LRRC38: variants seen among roughly 807,000 people sequenced by gnomAD.
LRRC38 encodes leucine rich repeat containing 38.
A neutral mutation model predicts 16.4 loss-of-function variants in LRRC38; 5 were observed. The ratio of observed to expected loss-of-function variants is 0.31; its 90% confidence interval spans 0.16 to 0.64. The LOEUF (loss-of-function observed/expected upper bound fraction) is 0.64. LRRC38 is among the 30% of genes least tolerant of loss of function. The pLI, the probability that LRRC38 is intolerant of heterozygous loss-of-function variation, is 0.80. For synonymous variants in LRRC38, 191 were observed against 190.2 expected (o/e 1.00, Z -0.04); for missense variants, 341 against 401.8 (o/e 0.85, Z 1.29).
intron 1 of LRRC38, among the ~76,000 whole-genome samples, chr1:13,479,234 ACCC>A (rs1048217234): frequency 6.6e-6 from 1 of 152,102 alleles, no homozygotes; most frequent in African/African-American, 2.4e-5. Context: ...CTAACAGCCT[ACCC>A]CGGCCAAAAA....
chr1:13,507,545 C>A (rs141073901), intron 1 of LRRC38, among the ~76,000 whole-genome samples: 32 of 152,266 alleles, frequency 2.1e-4, no homozygotes, highest in Non-Finnish European at 4.0e-4. Flanking sequence ...ATAAAAAACA[C>A]TGGGGGCCAG....
At chr1:13,491,601 T>A (rs180678706) in intron 1 of LRRC38, among the ~76,000 whole-genome samples, 1 of 152,334 alleles carries the variant, frequency 6.6e-6, no homozygotes. Context: ...TGAAGGTAGC[T>A]TCATGCTAGA....
At chr1:13,492,841 AACATAACACAGCATTC>A (rs998123673) in intron 1 of LRRC38, among the ~76,000 whole-genome samples, 1 of 152,210 alleles carries the variant, frequency 6.6e-6, no homozygotes, top group Non-Finnish European at 1.5e-5. Flanking sequence ...CAGACAAGCC[AACATAACACAGCATTC>A]ACGATTCTAT....
At chr1:13,498,150 A>G (rs1373579359) in intron 1 of LRRC38, among the ~76,000 whole-genome samples, 2 of 151,980 alleles carry the variant, frequency 1.3e-5, no homozygotes, top group Admixed American at 6.6e-5. Flanking sequence ...AGCGCCTGGA[A>G]TCGAGCAGAT....
At chr1:13,510,651 CAGG>C (rs1265854488) in intron 1 of LRRC38, among the ~76,000 whole-genome samples, 4 of 120,544 alleles carry the variant, frequency 3.3e-5, no homozygotes, top group South Asian at 2.5e-4. Flanking sequence ...AGCACAAATG[CAGG>C]AGGAGGAGGG....
At chr1:13,485,956 G>A (rs574395363) in intron 1 of LRRC38, among the ~76,000 whole-genome samples, 4 of 152,018 alleles carry the variant, frequency 2.6e-5, no homozygotes, top group South Asian at 2.1e-4. Flanking sequence ...TTTTTGAGAC[G>A]GAGTCTCGCT....
At chr1:13,479,111 A>C (rs1030182706) in intron 1 of LRRC38, among the ~76,000 whole-genome samples, 11 of 152,204 alleles carry the variant, frequency 7.2e-5, no homozygotes, top group Admixed American at 2.6e-4. Context: ...TTATCTTTTA[A>C]AAAATAAAAA....
At chr1:13,498,922 G>T (rs1226538405) in intron 1 of LRRC38, among the ~76,000 whole-genome samples, 4 of 152,132 alleles carry the variant, frequency 2.6e-5, no homozygotes, top group African/African-American at 9.7e-5. Flanking sequence ...TGGCTCCGGT[G>T]GTTTGCTGGG....
intron 1 of LRRC38, among the ~76,000 whole-genome samples, chr1:13,500,203 C>T (rs150290869): frequency 0.051 from 7,692 of 150,522 alleles, 642 homozygotes; most frequent in African/African-American, 0.18. Flanking sequence ...TGCAGTGAGC[C>T]GAGATCATGC....
intron 1 of LRRC38, among the ~76,000 whole-genome samples, chr1:13,505,262 G>A (rs1305566251): frequency 6.6e-6 from 1 of 152,306 alleles, no homozygotes; most frequent in Admixed American, 6.5e-5. Flanking sequence ...GCAGCTGGGG[G>A]CAGAGTAGCC....
In LRRC38 at chr1:13,513,522, G is replaced by C. The variant is rs1445013246; in HGVS notation, c.72C>G (p.Pro24=). 2 of 1,437,658 alleles carry C rather than the reference G, an allele frequency of 1.4e-6. No individual in the cohort carries two copies. The highest frequency in any genetic ancestry group is 1.5e-5 in the South Asian group (1 of 66,858). The allele number at this position is 1,437,658 out of a possible 1,614,324, so 89.1% of individuals were successfully genotyped here. The change falls in exon 1 of 2, where the codon CCC becomes CCG. Residue 24 remains proline, a synonymous_variant. Transcript: ENST00000376085. ...CGCAGCCCGCGGGGCACGCGTGCCCGGGCGCGAGCAGCAGCAGAAGGCTGC... is the reference window on the plus strand; with the variant it reads ...CGCAGCCCGCGGGGCACGCGTGCCCCGGCGCGAGCAGCAGCAGAAGGCTGC... The part of the protein sequence containing the change: ...GLCSLLLLLA[P]GHACPAGCAC...
chr1:13,493,088 CTCT>C (rs1639036542), intron 1 of LRRC38, among the ~76,000 whole-genome samples: 1 of 152,228 alleles, frequency 6.6e-6, no homozygotes, highest in African/African-American at 2.4e-5. Context: ...ACGAAGTGCT[CTCT>C]ATGCTTCAAA....
chr1:13,504,701 T>A (rs374654489), intron 1 of LRRC38, among the ~76,000 whole-genome samples: 154 of 114,474 alleles, frequency 1.3e-3, no homozygotes, highest in African/African-American at 5.2e-3. Context: ...CCAGCCTCGG[T>A]GACAGAGTGA....
Position 13,487,975 on chromosome 1 carries a change from G to C in LRRC38, c.632-11876C>G, listed in dbSNP as rs1341752107. ...AGACAATAAAAATAATCAAAAACAA[G>C]GGAGAATTAAAAAAAAAGTTAACAC... is the stretch of plus-strand genomic sequence containing the variant. On this transcript the variant is annotated intron_variant, in intron 1 of 1. Coordinates refer to ENST00000376085, the MANE Select transcript of LRRC38 (RefSeq NM_001010847.2). The surrounding 1 kb of genome is among the most constrained non-coding windows in gnomAD (Gnocchi z 4.4). Among the ~76,000 whole-genome samples the C allele has an allele frequency of 6.6e-6, 1 of 151,596 alleles. No homozygotes were observed. The highest frequency in any genetic ancestry group is 1.5e-5 in the Non-Finnish European group (1 of 67,932).
At position 13,500,128 on chromosome 1, in the gene LRRC38, G is replaced by A. The variant is rs764673895; in HGVS notation, c.631+12835C>T. Among the ~76,000 whole-genome samples, 8 of 151,928 alleles carry A rather than the reference G, an allele frequency of 5.3e-5. No homozygotes were observed. The South Asian group carries it at 6.2e-4, about 12-fold the overall frequency. On this transcript the variant is annotated intron_variant, in intron 1 of 1. Coordinates refer to ENST00000376085, the MANE Select transcript of LRRC38 (RefSeq NM_001010847.2). Reference sequence around the variant, plus strand: ...TAGCCGGGCTGGGTAGCATGTGCGCGCCTATAATCCCAGCTACTTGGGAGG... The same window carrying A: ...TAGCCGGGCTGGGTAGCATGTGCGCACCTATAATCCCAGCTACTTGGGAGG...
chr1:13,512,890 C>T, intron 1 of LRRC38, 73 bp downstream of exon 1: 1 of 1,385,746 alleles, frequency 7.2e-7, no homozygotes, highest in Non-Finnish European at 9.7e-7. Context: ...GCTCCTCCCA[C>T]CCAGACTGGG....
intron 1 of LRRC38, among the ~76,000 whole-genome samples, chr1:13,504,402 A>G (rs1462426566): frequency 6.6e-6 from 1 of 152,086 alleles, no homozygotes; most frequent in Non-Finnish European, 1.5e-5. Flanking sequence ...CAGAAAGCCC[A>G]TCAATACACA....
chr1:13,485,844 G>A (rs1638926040), intron 1 of LRRC38, among the ~76,000 whole-genome samples: 1 of 152,198 alleles, frequency 6.6e-6, no homozygotes, highest in South Asian at 2.1e-4. Context: ...TAGTTTGGGA[G>A]GCCAGAATTC....
chr1:13,482,278 G>T (rs2924852), intron 1 of LRRC38, among the ~76,000 whole-genome samples: 93,511 of 151,856 alleles, frequency 0.62, 29,583 homozygotes, highest in African/African-American at 0.77. Flanking sequence ...ACACTTAAAG[G>T]ACAAAGTGCA....
Sources: gnomAD v4.1 joint callset for allele counts (sites outside exome capture counted in the v4.1 genomes callset) on GRCh38, gnomAD v4.1.1 for gene constraint, Gnocchi (gnomAD v3.1) non-coding constraint, MANE v1.5 for transcripts, NCBI Gene and HGNC (gene_info 2026-07-23, HGNC 2026-07-21) for gene names.